EBF2: variants seen among roughly 807,000 people sequenced by gnomAD.
EBF2 encodes EBF transcription factor 2, also known as transcription factor COE2.
EBF2 carries 21 observed loss-of-function variants against 72.8 expected under a neutral mutation model. The ratio of observed to expected loss-of-function variants is 0.29; its 90% CI spans 0.20 to 0.42. EBF2 has a LOEUF of 0.42. Among genes scored for constraint, EBF2 ranks in the 10% least tolerant of loss-of-function variants. EBF2 has a pLI of 1.00. For missense variants in EBF2, 637 were observed against 731.2 expected (o/e 0.87, Z 1.49); for synonymous variants, 299 against 274.2 (o/e 1.09, Z -0.89).
At chr8:26,025,984 G>T (rs1384018575) in intron 6 of EBF2, among the ~76,000 whole-genome samples, 1 of 152,094 alleles carries the variant, frequency 6.6e-6, no homozygotes, top group African/African-American at 2.4e-5. Context: ...GACCAAACTG[G>T]GCCCAGAGTG....
At chr8:25,861,424 GCAAA>G in intron 11 of EBF2, 50 bp from the exon 12 acceptor site, 1 of 1,599,770 alleles carries the variant, frequency 6.3e-7, no homozygotes, top group Non-Finnish European at 8.5e-7. Flanking sequence ...ATCCAAGATG[GCAAA>G]CAAAAGAAAA....
Position 25,843,281 on chromosome 8 carries a change from A to C in EBF2, c.*1328T>G, listed in dbSNP as rs1211306840. ...CATTCCGTCTCATTCTTGACTAGAA[A>C]CTGTCGAGTGGCATAGCTATGTTTT... On this transcript the variant is annotated 3_prime_UTR_variant, in exon 16 of 16. Transcript: ENST00000520164. 1.3e-5 allele frequency: 2 copies of C among 152,192 alleles called. No individual in the cohort carries two copies. The highest frequency in any genetic ancestry group is 4.8e-5 in the African/African-American group (2 of 41,454). The allele number at this position is 152,192 out of a possible 1,614,324, so 9.4% of individuals were successfully genotyped here. A position where few individuals can be genotyped will look rare whatever the true frequency, so the allele number is the denominator to read the frequency against.
intron 6 of EBF2, among the ~76,000 whole-genome samples, chr8:25,993,555 A>G (rs932613290): frequency 1.6e-4 from 25 of 152,106 alleles, no homozygotes; most frequent in African/African-American, 6.0e-4. Context: ...TGTAAGAGCC[A>G]CCTTGACTGC....
At chr8:26,020,046 C>T (rs896220486) in intron 6 of EBF2, among the ~76,000 whole-genome samples, 2 of 152,126 alleles carry the variant, frequency 1.3e-5, no homozygotes, top group African/African-American at 4.8e-5. Context: ...AGGTCAGGCA[C>T]AGGATGGAGA....
chr8:25,970,526 C>T (rs1339861600), intron 6 of EBF2, among the ~76,000 whole-genome samples: 6 of 152,132 alleles, frequency 3.9e-5, no homozygotes, highest in Admixed American at 3.3e-4. Context: ...ACCCCCTCCC[C>T]ACTCTTCAGG....
At chr8:25,993,063 C>G (rs1804570822) in intron 6 of EBF2, among the ~76,000 whole-genome samples, 1 of 152,074 alleles carries the variant, frequency 6.6e-6, no homozygotes, top group Admixed American at 6.6e-5. Flanking sequence ...TCCAAAGTCC[C>G]TACGGACACC....
intron 15 of EBF2, among the ~76,000 whole-genome samples, chr8:25,845,345 AG>A (rs1563371093): frequency 1.4e-4 from 16 of 113,138 alleles, no homozygotes; most frequent in African/African-American, 6.0e-4. Flanking sequence ...CTCCTGCCTC[AG>A]CCTCTGCCTC....
chr8:26,005,555 T>TAGAGAG (rs1489907148), intron 6 of EBF2, among the ~76,000 whole-genome samples: 19 of 30,824 alleles, frequency 6.2e-4, no homozygotes, highest in East Asian at 1.5e-3. Context: ...TATATATATA[T>TAGAGAG]ATATATAGAG....
intron 6 of EBF2, among the ~76,000 whole-genome samples, chr8:25,936,661 T>C (rs1375222042): frequency 6.6e-6 from 1 of 152,224 alleles, no homozygotes; most frequent in Non-Finnish European, 1.5e-5. Flanking sequence ...TCTGTTCTCT[T>C]TCTTAGTATC....
At chr8:26,033,250 T>C in intron 5 of EBF2, 97 bp from the exon 6 acceptor site, 3 of 1,179,140 alleles carry the variant, frequency 2.5e-6, no homozygotes, top group Non-Finnish European at 3.7e-6. Context: ...CCAGACAGAG[T>C]CTGGCTCTGT....
intron 10 of EBF2, among the ~76,000 whole-genome samples, chr8:25,870,356 A>T (rs1406969412): frequency 6.6e-6 from 1 of 152,104 alleles, no homozygotes; most frequent in African/African-American, 2.4e-5. Context: ...CTAAATACAA[A>T]CTAAACAGAT....
intron 6 of EBF2, among the ~76,000 whole-genome samples, chr8:25,973,209 C>T (rs554919895): frequency 7.2e-5 from 11 of 152,104 alleles, no homozygotes; most frequent in Non-Finnish European, 1.6e-4. Flanking sequence ...TAAATATGAA[C>T]TTGGGCAGAC....
intron 7 of EBF2, among the ~76,000 whole-genome samples, chr8:25,903,378 C>T (rs949671019): frequency 2.6e-5 from 4 of 151,372 alleles, no homozygotes; most frequent in Admixed American, 1.3e-4. Context: ...ATGCTGAGGA[C>T]GGGTTAGACA....
chr8:25,916,386 A>C (rs1803216547), intron 6 of EBF2, among the ~76,000 whole-genome samples: 1 of 152,124 alleles, frequency 6.6e-6, no homozygotes, highest in Admixed American at 6.5e-5. Context: ...ATTCATGCAA[A>C]GTGTTTGGGT....
At chr8:25,859,529 A>G (rs1360529033) in intron 13 of EBF2, among the ~76,000 whole-genome samples, 1 of 152,192 alleles carries the variant, frequency 6.6e-6, no homozygotes, top group Non-Finnish European at 1.5e-5. Flanking sequence ...TATGCCTGGG[A>G]CGGGGGAAGG....
intron 5 of EBF2, among the ~76,000 whole-genome samples, chr8:26,037,478 C>T (rs563892471): frequency 6.6e-6 from 1 of 152,220 alleles, no homozygotes; most frequent in Non-Finnish European, 1.5e-5. Flanking sequence ...CTCCTCCCTG[C>T]GATTGCATAA....
intron 6 of EBF2, chr8:26,032,213 T>C (rs1173108796): frequency 6.6e-6 from 1 of 152,132 alleles, no homozygotes; most frequent in Non-Finnish European, 1.5e-5. Context: ...TGCTATACTT[T>C]CCACGAAGAA....
At chr8:25,884,696 G>A (rs1802661529) in intron 10 of EBF2, among the ~76,000 whole-genome samples, 1 of 152,112 alleles carries the variant, frequency 6.6e-6, no homozygotes, top group Non-Finnish European at 1.5e-5. Flanking sequence ...ATGAATGAAT[G>A]AACTATATCC....
chr8:25,914,321 A>G (rs544797745), intron 6 of EBF2, among the ~76,000 whole-genome samples: 2 of 152,330 alleles, frequency 1.3e-5, no homozygotes, highest in Admixed American at 6.5e-5. Context: ...ACAACAGAGA[A>G]TATTCTTTCC....
Sources: gnomAD v4.1 joint callset for allele counts (sites outside exome capture counted in the v4.1 genomes callset) on GRCh38, gnomAD v4.1.1 for gene constraint, MANE v1.5 for transcripts, NCBI Gene and HGNC (gene_info 2026-07-23, HGNC 2026-07-21) for gene names.